ZFP69: variants seen among roughly 807,000 people sequenced by gnomAD.
The protein encoded by ZFP69 is ZFP69 zinc finger protein.
Under a neutral mutation model 48.9 loss-of-function variants are expected in ZFP69, and 35 were observed. The observed-to-expected ratio is 0.72, with a 90% CI of 0.55 to 0.95. ZFP69 has a LOEUF of 0.95. ZFP69 is among the 40% of genes least tolerant of loss of function. The pLI is 0.00. For synonymous variants in ZFP69, 193 were observed against 216.8 expected (o/e 0.89, Z 0.96); for missense variants, 557 against 638.4 (o/e 0.87, Z 1.37).
Position 40,495,722 on chromosome 1 carries a change from C to T in ZFP69, c.1244C>T (p.Ala415Val). 1 of 1,614,120 alleles carries T rather than the reference C, an allele frequency of 6.2e-7. No homozygotes were observed. Among genetic ancestry groups the T allele is most frequent in the Non-Finnish European group, 8.5e-7 (1 of 1,180,000 alleles). Reference protein sequence around the residue: ...HTGEKPYACTACCKTFSHRAY... With the variant: ...HTGEKPYACTVCCKTFSHRAY... Reference sequence around the variant, plus strand: ...GGGGAGAAGCCCTATGCATGCACTGCATGTTGTAAAACCTTTAGTCATAGA... The same window carrying T: ...GGGGAGAAGCCCTATGCATGCACTGTATGTTGTAAAACCTTTAGTCATAGA... The change falls in exon 6 of 6, where the codon GCA becomes GTA. Residue 415 changes from alanine (A) to valine (V), a missense_variant. By Grantham distance (64) the Ala-to-Val change is moderately conservative. Transcript: ENST00000372706.
intron 5 of ZFP69, chr1:40,490,795 C>T (rs1276343381): frequency 1.3e-5 from 2 of 152,194 alleles, no homozygotes; most frequent in Admixed American, 1.3e-4. Flanking sequence ...TATGAAAACT[C>T]CTGTAAGAGA....
chr1:40,495,017 G>T lies in ZFP69; in HGVS notation c.539G>T (p.Arg180Met). The change falls in exon 6 of 6, where the codon AGG becomes ATG. Residue 180 changes from arginine (R) to methionine (M), a missense_variant. By Grantham distance (91) the Arg-to-Met change is moderately conservative. Coordinates refer to ENST00000372706, the MANE Select transcript of ZFP69 (RefSeq NM_001320179.2). Reference protein sequence around the residue: ...YHGIMMESFMRDDIIYSTLRK... With the variant: ...YHGIMMESFMMDDIIYSTLRK... ...GGCATTATGATGGAAAGTTTCATGA[G>T]GGATGATATAATTTATTCCACGTTG... 6.2e-7 allele frequency: 1 copy of T among 1,613,916 alleles called. No homozygotes were observed. The highest frequency in any genetic ancestry group is 8.5e-7 in the Non-Finnish European group (1 of 1,179,988).
chr1:40,478,619 TATG>T (rs746882327), intron 1 of ZFP69, among the ~76,000 whole-genome samples: 14 of 152,340 alleles, frequency 9.2e-5, no homozygotes, highest in South Asian at 4.1e-4. Flanking sequence ...GATTCAGCAA[TATG>T]ATAACAGGTT....
In ZFP69 at chr1:40,495,800, G is replaced by A. The variant is rs765929094; in HGVS notation, c.1322G>A (p.Cys441Tyr). The change falls in exon 6 of 6, where the codon TGT (cysteine) becomes TAT (tyrosine). Residue 441 changes from cysteine (C) to tyrosine (Y), a missense_variant. By Grantham distance (194) the Cys-to-Tyr change is radical. Coordinates refer to ENST00000372706, the MANE Select transcript of ZFP69 (RefSeq NM_001320179.2). The stretch of plus-strand genomic sequence containing the variant: ...CATACTGGGGAGAGACCCTACAAAT[G>A]TAAAGAATGTGGAAAAGCCTTTAGG... ...RIHTGERPYKCKECGKAFRQR... is the reference protein window; with the variant it reads ...RIHTGERPYKYKECGKAFRQR... 4 of 1,614,202 alleles carry A rather than the reference G, an allele frequency of 2.5e-6. No individual in the cohort carries two copies. In the South Asian group the frequency reaches 4.4e-5, roughly 18 times the overall value.
In ZFP69 at chr1:40,495,290, A is replaced by T. The variant is rs375433261; in HGVS notation, c.812A>T (p.Tyr271Phe). The change falls in exon 6 of 6, where the codon TAT becomes TTT. Residue 271 changes from tyrosine to phenylalanine, a missense_variant. Coordinates refer to ENST00000372706, the MANE Select transcript of ZFP69 (RefSeq NM_001320179.2). ...HPTSYIRTKT[Y>F]ECNICEKIFK... The stretch of plus-strand genomic sequence containing the variant: ...ACAAGTTACATAAGAACAAAAACCT[A>T]TGAATGTAATATATGTGAAAAAATC... The T allele has an allele frequency of 6.2e-7, 1 of 1,614,088 alleles. No individual in the cohort carries two copies.
rs756236890 is a variant in ZFP69 at position 40,496,025 on chromosome 1, TACAC to T, written c.1549_1552del (p.His517GlyfsTer16). On this transcript the variant is annotated frameshift_variant, in exon 6 of 6. Transcript: ENST00000372706. LOFTEE classifies it high-confidence loss of function. The stretch of plus-strand genomic sequence containing the variant: ...TCTTCACTTAGTCGACATCATGAAA[TACAC>T]AGGAGGAACGCCTTCCGAAATAAGG... 15 of 1,606,418 alleles carry T rather than the reference TACAC, an allele frequency of 9.3e-6. No homozygotes were observed. The highest frequency in any genetic ancestry group is 1.3e-5 in the Non-Finnish European group (15 of 1,176,510).
rs1449185743 is a variant in ZFP69 at position 40,495,649 on chromosome 1, A to AAGG, written c.1171_1172insAGG (p.Thr391delinsLysAla). 2 of 1,614,218 alleles carry AAGG rather than the reference A, an allele frequency of 1.2e-6. No homozygotes were observed. The highest frequency in any genetic ancestry group is 2.2e-5 in the South Asian group (2 of 91,090). On this transcript the variant is annotated protein_altering_variant, in exon 6 of 6. Coordinates refer to ENST00000372706, the MANE Select transcript of ZFP69 (RefSeq NM_001320179.2). ...TTTTACTTGCAATGAATGTGGGAAA[A>AAGG]CCTTTAGACAGATTAGACACCTTAG...
chr1:40,484,844 G>A (rs149985734), intron 3 of ZFP69, among the ~76,000 whole-genome samples: 2,813 of 148,836 alleles, frequency 0.019, 86 homozygotes, highest in African/African-American at 0.066. Context: ...CCCTCCCAAA[G>A]GGCTGAGATT....
At chr1:40,481,580 C>A (rs897315190) in intron 2 of ZFP69, among the ~76,000 whole-genome samples, 183 bp from the exon 3 acceptor site, 19 of 152,164 alleles carry the variant, frequency 1.2e-4, no homozygotes, top group African/African-American at 4.6e-4. Flanking sequence ...AACATTAATG[C>A]CCAAAGCGAC....
chr1:40,489,120 C>T lies in ZFP69; in HGVS notation c.252C>T (p.Asp84=). The T allele has an allele frequency of 6.2e-7, 1 of 1,613,954 alleles. No homozygotes were observed. Among genetic ancestry groups the T allele is most frequent in the Non-Finnish European group, 8.5e-7 (1 of 1,180,012 alleles). ...TGACTTTCAAGGACATATCTATTGACTTCACCCAGGAAGAGTGGGGGCAGC... is the reference window on the plus strand; with the variant it reads ...TGACTTTCAAGGACATATCTATTGATTTCACCCAGGAAGAGTGGGGGCAGC... ...ELLTFKDISI[D]FTQEEWGQLA... The change falls in exon 4 of 6, where the codon GAC becomes GAT. Residue 84 remains aspartate, a synonymous_variant. Transcript: ENST00000372706.
intron 3 of ZFP69, among the ~76,000 whole-genome samples, chr1:40,488,842 A>G (rs1645532991): frequency 1.3e-5 from 2 of 151,896 alleles, no homozygotes; most frequent in Admixed American, 6.6e-5. Flanking sequence ...TAAGGTATGT[A>G]TCACCATCTG....
chr1:40,489,067 T>C (rs772643194), intron 3 of ZFP69, 21 bp from the exon 4 acceptor site: 1 of 1,613,470 alleles, frequency 6.2e-7, no homozygotes, highest in Admixed American at 1.7e-5. Flanking sequence ...CGGCTAAAAA[T>C]GAATGTATTT....
intron 3 of ZFP69, among the ~76,000 whole-genome samples, chr1:40,483,215 C>T (rs1378722849): frequency 8.1e-6 from 1 of 123,750 alleles, no homozygotes; most frequent in Non-Finnish European, 1.6e-5. Context: ...TCAAACCATA[C>T]ACCTTTTTTA....
At position 40,485,279 on chromosome 1, in the gene ZFP69, T is replaced by A. The variant is rs563525033; in HGVS notation, c.219+3425T>A. Among the ~76,000 whole-genome samples, 250 of 152,156 alleles carry A rather than the reference T, an allele frequency of 1.6e-3. 3 individuals are homozygous for A. Among genetic ancestry groups the A allele is most frequent in the African/African-American group, 5.7e-3 (237 of 41,526 alleles). ...CCATATAATATTAATTCAAAGTAAC[T>A]GTGGAATGTTACAAATGTATTTAAC... On this transcript the variant is annotated intron_variant, in intron 3 of 5. Transcript: ENST00000372706.
rs1401409597 is a variant in ZFP69 at position 40,494,327 on chromosome 1, G to A, written c.443-594G>A. Among the ~76,000 whole-genome samples, 3 of 130,096 alleles carry A rather than the reference G, an allele frequency of 2.3e-5. No homozygotes were observed. The East Asian group carries it at 6.7e-4, about 29-fold the overall frequency. 85.3% of individuals were successfully genotyped at this position (130,096 alleles called of 152,430 possible). ...TCTGTCGCCCAGGCTGGAGTGCAGT[G>A]GCGGGATCTCGGCTCACTGCAAGCT... On this transcript the variant is annotated intron_variant, in intron 5 of 5. Transcript: ENST00000372706.
In ZFP69 at chr1:40,495,809, G is replaced by A. The variant is rs751117427; in HGVS notation, c.1331G>A (p.Cys444Tyr). Residue 444 changes from cysteine (C) to tyrosine (Y), a missense_variant, in exon 6 of 6, where the codon TGT (cysteine) becomes TAT (tyrosine). Coordinates refer to ENST00000372706, the MANE Select transcript of ZFP69 (RefSeq NM_001320179.2). ...TGERPYKCKE[C>Y]GKAFRQRIHL... Reference sequence around the variant, plus strand: ...GAGAGACCCTACAAATGTAAAGAATGTGGAAAAGCCTTTAGGCAGAGGATA... The same window carrying A: ...GAGAGACCCTACAAATGTAAAGAATATGGAAAAGCCTTTAGGCAGAGGATA... 1 of 1,614,218 alleles carries A rather than the reference G, an allele frequency of 6.2e-7. No individual in the cohort carries two copies. Among genetic ancestry groups the A allele is most frequent in the East Asian group, 2.2e-5 (1 of 44,882 alleles).
chr1:40,495,935 A>G lies in ZFP69; in HGVS notation c.1457A>G (p.Gln486Arg). 1.2e-6 allele frequency: 2 copies of G among 1,614,208 alleles called. No individual in the cohort carries two copies. The highest frequency in any genetic ancestry group is 2.7e-5 in the African/African-American group (2 of 75,072). Residue 486 changes from glutamine (Q) to arginine (R), a missense_variant, in exon 6 of 6, where the codon CAG (glutamine) becomes CGG (arginine). Physicochemically the swap from Gln to Arg is conservative, Grantham distance 43. Coordinates refer to ENST00000372706, the MANE Select transcript of ZFP69 (RefSeq NM_001320179.2). ...YRHDSSFKKH[Q>R]RHHTGEKPYE... ...CATGATTCATCCTTTAAAAAACATCAGAGACATCACACTGGAGAAAAACCT... is the reference window on the plus strand; with the variant it reads ...CATGATTCATCCTTTAAAAAACATCGGAGACATCACACTGGAGAAAAACCT...
intron 5 of ZFP69, among the ~76,000 whole-genome samples, chr1:40,490,125 C>T (rs1432050132): frequency 6.6e-6 from 1 of 151,940 alleles, no homozygotes; most frequent in Admixed American, 6.6e-5. Flanking sequence ...CTCGGCCTTC[C>T]AAGGTGCTGG....
chr1:40,482,606 T>G (rs955450978), intron 3 of ZFP69, among the ~76,000 whole-genome samples: 3 of 152,184 alleles, frequency 2.0e-5, no homozygotes, highest in African/African-American at 7.2e-5. Context: ...TCTGGGGCAA[T>G]TACTTTAGCT....
Sources: gnomAD v4.1 joint callset for allele counts (sites outside exome capture counted in the v4.1 genomes callset) on GRCh38, gnomAD v4.1.1 for gene constraint, MANE v1.5 for transcripts, NCBI Gene and HGNC (gene_info 2026-07-23, HGNC 2026-07-21) for gene names.